The following APLF variants were observed in gnomAD, a reference collection of about 807,000 sequenced individuals.
The protein encoded by APLF is aprataxin and PNK-like factor.
APLF carries 61 observed loss-of-function variants against 55.6 expected under a neutral mutation model. That is an observed-to-expected ratio of 1.10 (90% CI 0.89 to 1.36). The LOEUF (loss-of-function observed/expected upper bound fraction) is 1.36, where lower values mean the gene tolerates loss of function less well. APLF is among the 40% of genes most tolerant of loss of function. The pLI, the probability that APLF is intolerant of heterozygous loss-of-function variation, is 0.00. For synonymous variants in APLF, 207 were observed against 214.8 expected (o/e 0.96, Z 0.32); for missense variants, 611 against 602.5 (o/e 1.01, Z -0.15).
intron 3 of APLF, among the ~76,000 whole-genome samples, chr2:68,507,102 A>G (rs1676892420): frequency 1.3e-5 from 2 of 151,924 alleles, no homozygotes; most frequent in South Asian, 4.1e-4. Flanking sequence ...TCTGGAGCAA[A>G]TATGAGAAAA....
At chr2:68,477,634 T>C (rs182438238) in intron 1 of APLF, among the ~76,000 whole-genome samples, 3 of 152,310 alleles carry the variant, frequency 2.0e-5, no homozygotes, top group Admixed American at 2.0e-4. Flanking sequence ...AGTGAGACCC[T>C]GTCTGTATTA....
intron 9 of APLF, among the ~76,000 whole-genome samples, chr2:68,569,243 A>G (rs1448626170): frequency 1.3e-5 from 2 of 152,228 alleles, no homozygotes; most frequent in Middle Eastern, 3.4e-3. Flanking sequence ...GGGTCTCCCA[A>G]CTTGCCGTGA....
chr2:68,499,318 C>T (rs1676649456), intron 2 of APLF, among the ~76,000 whole-genome samples: 1 of 152,126 alleles, frequency 6.6e-6, no homozygotes, highest in South Asian at 2.1e-4. Flanking sequence ...GTTGGGTTTG[C>T]CAATATTTTG....
intron 1 of APLF, among the ~76,000 whole-genome samples, chr2:68,483,813 A>G (rs1282693147): frequency 6.6e-6 from 1 of 152,162 alleles, no homozygotes; most frequent in Non-Finnish European, 1.5e-5. Context: ...CTGTTCTTAT[A>G]TGTACAGGAA....
Position 68,537,899 on chromosome 2 carries a change from A to G in APLF, c.832A>G (p.Thr278Ala). The part of the protein sequence containing the change: ...KEMPQSFSAI[T>A]LSNTEMNNIK... ...AATGCCACAATCATTTTCTGCAATC[A>G]CATTAAGTAACACAGAGATGAATAA... The change falls in exon 7 of 10, where the codon ACA becomes GCA. Residue 278 changes from threonine to alanine, a missense_variant. Transcript: ENST00000303795. 1 of 1,571,362 alleles carries G rather than the reference A, an allele frequency of 6.4e-7. No individual in the cohort carries two copies. The highest frequency in any genetic ancestry group is 8.6e-7 in the Non-Finnish European group (1 of 1,161,212).
At chr2:68,522,622 T>C (rs1669925958) in intron 5 of APLF, among the ~76,000 whole-genome samples, 1 of 151,932 alleles carries the variant, frequency 6.6e-6, no homozygotes, top group Non-Finnish European at 1.5e-5. Context: ...TGATGCCTGC[T>C]TTTAGTAGTT....
chr2:68,572,392 A>G (rs1414608158), intron 9 of APLF, among the ~76,000 whole-genome samples: 2 of 152,304 alleles, frequency 1.3e-5, no homozygotes, highest in East Asian at 3.9e-4. Context: ...CAAAATATTT[A>G]TTTACTTAAT....
Position 68,519,482 on chromosome 2 carries a change from A to G in APLF, c.622+5802A>G, listed in dbSNP as rs997188971. On this transcript the variant is annotated intron_variant, in intron 5 of 9. Transcript: ENST00000303795. ...TTCTGAAAGAAAAGGAGTTATTTGC[A>G]GGGACCAGTTCACATTGGTTCAATT... Among the ~76,000 whole-genome samples, 17 of 149,708 alleles carry G rather than the reference A, an allele frequency of 1.1e-4. No homozygotes were observed. The Admixed American group carries it at 1.1e-3, about 10-fold the overall frequency.
chr2:68,553,232 A>G (rs535754183), intron 8 of APLF, among the ~76,000 whole-genome samples: 3 of 152,252 alleles, frequency 2.0e-5, no homozygotes, highest in South Asian at 2.1e-4. Flanking sequence ...GGAGTTTTCA[A>G]AGTACCTCTA....
intron 9 of APLF, among the ~76,000 whole-genome samples, chr2:68,569,068 T>G (rs2104072046): frequency 6.6e-6 from 1 of 152,226 alleles, no homozygotes; most frequent in East Asian, 1.9e-4. Context: ...TTTTCTTGTA[T>G]CCCAAATCAT....
Position 68,499,440 on chromosome 2 carries a change from T to C in APLF, c.169-3291T>C, listed in dbSNP as rs113023563. 2.0e-4 allele frequency among the ~76,000 whole-genome samples: 31 copies of C among 152,350 alleles called. 1 individual carries two copies. The highest frequency in any genetic ancestry group is 7.0e-4 in the African/African-American group (29 of 41,584). On this transcript the variant is annotated intron_variant, in intron 2 of 9. Coordinates refer to ENST00000303795, the MANE Select transcript of APLF (RefSeq NM_173545.3). ...AAGTTTGAATATTCAGAAAAATCTT[T>C]AAATCCACTGGGGTCTTGTTTTGGG...
intron 1 of APLF, among the ~76,000 whole-genome samples, chr2:68,484,435 G>A (rs1339588110): frequency 6.6e-6 from 1 of 151,920 alleles, no homozygotes; most frequent in African/African-American, 2.4e-5. Context: ...ACACCTGTAA[G>A]CCCAGCACTT....
chr2:68,578,913 T>G lies in APLF; in HGVS notation c.*891T>G. On this transcript the variant is annotated 3_prime_UTR_variant, in exon 10 of 10. Coordinates refer to ENST00000303795, the MANE Select transcript of APLF (RefSeq NM_173545.3). ...CATATCAAGAAGAAACCACTTATTC[T>G]CCAGTTTTACAAAGTATCTTTCTGT... 1.0e-6 allele frequency: 1 copy of G among 985,344 alleles called. No individual in the cohort carries two copies. Among genetic ancestry groups the G allele is most frequent in the Non-Finnish European group, 1.2e-6 (1 of 829,868 alleles). The allele number at this position is 985,344 out of a possible 1,614,324, so 61.0% of individuals were successfully genotyped here.
At chr2:68,557,344 A>G (rs10173449) in intron 8 of APLF, among the ~76,000 whole-genome samples, 16,172 of 152,172 alleles carry the variant, frequency 0.11, 1,106 homozygotes, top group African/African-American at 0.19. Context: ...ATCATTGTAG[A>G]CCTAACTACA....
chr2:68,539,789 T>G (rs1367540117), intron 7 of APLF, among the ~76,000 whole-genome samples: 1 of 152,154 alleles, frequency 6.6e-6, no homozygotes, highest in African/African-American at 2.4e-5. Context: ...AACAGCTAAC[T>G]TCATACTTAA....
At chr2:68,488,920 T>C (rs1676270730) in intron 1 of APLF, among the ~76,000 whole-genome samples, 1 of 152,050 alleles carries the variant, frequency 6.6e-6, no homozygotes. Context: ...CATGTATACA[T>C]ATGTAACTAA....
At chr2:68,533,700 C>G (rs1232199227) in intron 6 of APLF, among the ~76,000 whole-genome samples, 1 of 152,150 alleles carries the variant, frequency 6.6e-6, no homozygotes, top group East Asian at 1.9e-4. Flanking sequence ...GGGCCCACCT[C>G]CCTCCCTGTA....
At chr2:68,497,594 T>TA (rs1173151906) in intron 2 of APLF, among the ~76,000 whole-genome samples, 2 of 151,706 alleles carry the variant, frequency 1.3e-5, no homozygotes, top group African/African-American at 4.8e-5. Context: ...TTTTTTTTTT[T>TA]AAATAAATTA....
chr2:68,495,401 C>T (rs1676514007), intron 2 of APLF, among the ~76,000 whole-genome samples: 2 of 152,348 alleles, frequency 1.3e-5, no homozygotes, highest in South Asian at 4.1e-4. Flanking sequence ...TTAGGGCAGT[C>T]AGTAAGTCTC....
Sources: gnomAD v4.1 joint callset for allele counts (sites outside exome capture counted in the v4.1 genomes callset) on GRCh38, gnomAD v4.1.1 for gene constraint, MANE v1.5 for transcripts, NCBI Gene and HGNC (gene_info 2026-07-23, HGNC 2026-07-21) for gene names.